Variants in SLC24A3 observed in about 807,000 individuals in gnomAD.
SLC24A3 encodes sodium/potassium/calcium exchanger 3.
A neutral mutation model predicts 75.8 loss-of-function variants in SLC24A3; 28 were observed. The ratio of observed to expected loss-of-function variants is 0.37; its 90% CI spans 0.27 to 0.51. The LOEUF is 0.51. SLC24A3 is among the 20% of genes least tolerant of loss of function. The pLI is 0.94. For missense variants in SLC24A3, 663 were observed against 847.8 expected (o/e 0.78, Z 2.71); for synonymous variants, 372 against 334.1 (o/e 1.11, Z -1.24).
intron 6 of SLC24A3, among the ~76,000 whole-genome samples, chr20:19,652,159 T>G (rs2032213548): frequency 6.6e-6 from 1 of 152,248 alleles, no homozygotes; most frequent in South Asian, 2.1e-4. Context: ...AAAATTTTGT[T>G]GTTCTTATCA....
intron 1 of SLC24A3, among the ~76,000 whole-genome samples, chr20:19,280,452 TG>T (rs1209073906): frequency 1.3e-5 from 2 of 152,140 alleles, no homozygotes; most frequent in Admixed American, 1.3e-4. Context: ...TAGACCTCGG[TG>T]GGCTGGAGCC....
chr20:19,384,205 C>G (rs6046034), intron 2 of SLC24A3, among the ~76,000 whole-genome samples: 3 of 152,186 alleles, frequency 2.0e-5, no homozygotes, highest in Non-Finnish European at 4.4e-5. Context: ...AACAGCTACT[C>G]TCTTATCAAA....
intron 6 of SLC24A3, among the ~76,000 whole-genome samples, chr20:19,610,934 T>G (rs1479377099): frequency 6.6e-6 from 1 of 152,186 alleles, no homozygotes; most frequent in Admixed American, 6.5e-5. Context: ...CCAGCCCCCA[T>G]GCATGGAAAG....
At chr20:19,213,074 C>A in intron 1 of SLC24A3, 90 bp downstream of exon 1, 1 of 1,129,130 alleles carries the variant, frequency 8.9e-7, no homozygotes, top group Middle Eastern at 3.7e-4. Flanking sequence ...TCGGGCGGCC[C>A]GGCCGGAGCC....
At chr20:19,574,622 G>C (rs879625969) in intron 3 of SLC24A3, among the ~76,000 whole-genome samples, 22 of 152,204 alleles carry the variant, frequency 1.4e-4, no homozygotes, top group Admixed American at 1.4e-3. Flanking sequence ...CCTCCAGCAG[G>C]CTAGCTTGGG....
intron 6 of SLC24A3, among the ~76,000 whole-genome samples, chr20:19,603,879 T>C (rs182795093): frequency 4.1e-4 from 63 of 152,302 alleles, no homozygotes; most frequent in African/African-American, 1.5e-3. Context: ...TGAGCAATGG[T>C]AGCCTCTGTT....
At chr20:19,258,079 G>C (rs1399500180) in intron 1 of SLC24A3, among the ~76,000 whole-genome samples, 1 of 152,216 alleles carries the variant, frequency 6.6e-6, no homozygotes, top group African/African-American at 2.4e-5. Context: ...CCTGCACTCA[G>C]GTAGTTTCCT....
intron 2 of SLC24A3, among the ~76,000 whole-genome samples, chr20:19,303,135 G>A (rs915075137): frequency 1.3e-5 from 2 of 152,044 alleles, no homozygotes; most frequent in African/African-American, 4.8e-5. Flanking sequence ...TACCCAATAG[G>A]TAGTTTTTCT....
intron 6 of SLC24A3, among the ~76,000 whole-genome samples, chr20:19,600,385 A>G (rs1411273406): frequency 1.3e-5 from 2 of 152,216 alleles, no homozygotes; most frequent in Non-Finnish European, 2.9e-5. Context: ...TCAGCTCTGC[A>G]ATTTCATGTA....
intron 1 of SLC24A3, among the ~76,000 whole-genome samples, chr20:19,241,953 G>A (rs916891185): frequency 5.3e-5 from 8 of 152,130 alleles, no homozygotes; most frequent in South Asian, 2.1e-4. Flanking sequence ...TGATCACATC[G>A]GGCAGCGAGT....
At chr20:19,637,115 A>G (rs888204817) in intron 6 of SLC24A3, among the ~76,000 whole-genome samples, 2 of 150,992 alleles carry the variant, frequency 1.3e-5, no homozygotes, top group African/African-American at 2.4e-5. Flanking sequence ...CCTGGCCAAC[A>G]TGGCAAAACC....
chr20:19,360,620 T>A (rs1468734730), intron 2 of SLC24A3, among the ~76,000 whole-genome samples: 1 of 152,340 alleles, frequency 6.6e-6, no homozygotes, highest in East Asian at 1.9e-4. Flanking sequence ...TCTTAACATG[T>A]GGATATTACA....
chr20:19,679,861 G>T (rs1241886355), intron 9 of SLC24A3, among the ~76,000 whole-genome samples: 1 of 148,088 alleles, frequency 6.8e-6, no homozygotes, highest in East Asian at 2.0e-4. Flanking sequence ...GTCTGTATGT[G>T]TGTGCATGTG....
chr20:19,386,254 T>C (rs1468257135), intron 2 of SLC24A3, among the ~76,000 whole-genome samples: 1 of 152,242 alleles, frequency 6.6e-6, no homozygotes, highest in African/African-American at 2.4e-5. Flanking sequence ...GCTGATTTTT[T>C]GTATGTTGAT....
intron 1 of SLC24A3, among the ~76,000 whole-genome samples, chr20:19,214,861 T>C (rs2122123912): frequency 6.6e-6 from 1 of 152,312 alleles, no homozygotes; most frequent in South Asian, 2.1e-4. Context: ...TATTCTTTTT[T>C]CCTCTCACTT....
At chr20:19,554,465 T>C (rs987910209) in intron 3 of SLC24A3, among the ~76,000 whole-genome samples, 1 of 152,216 alleles carries the variant, frequency 6.6e-6, no homozygotes, top group African/African-American at 2.4e-5. Context: ...AATATTGTGA[T>C]GGTAGAAATT....
chr20:19,666,782 G>A (rs929814149), intron 8 of SLC24A3, among the ~76,000 whole-genome samples: 3 of 152,158 alleles, frequency 2.0e-5, no homozygotes, highest in Non-Finnish European at 2.9e-5. Context: ...TCAGGAGTTC[G>A]AGAACAGAAA....
intron 2 of SLC24A3, among the ~76,000 whole-genome samples, chr20:19,310,805 A>G (rs1984439045): frequency 6.6e-6 from 1 of 152,176 alleles, no homozygotes; most frequent in Non-Finnish European, 1.5e-5. Context: ...TTCTTGCACT[A>G]CCTGTTTCTT....
intron 1 of SLC24A3, among the ~76,000 whole-genome samples, chr20:19,222,817 G>C (rs8121684): frequency 0.37 from 16,733 of 45,694 alleles, 2,004 homozygotes; most frequent in East Asian, 0.74. Flanking sequence ...TCCTTCCTTC[G>C]TTCCTTCCTT....
Sources: allele counts gnomAD v4.1 joint callset (sites outside exome capture counted in the v4.1 genomes callset), GRCh38; gene constraint gnomAD v4.1.1; transcripts MANE v1.5; gene names NCBI Gene and HGNC (gene_info 2026-07-23, HGNC 2026-07-21).